The following SULF1 variants were observed in gnomAD, a reference collection of about 807,000 sequenced individuals.
The protein encoded by SULF1 is extracellular sulfatase Sulf-1.
SULF1 carries 46 observed loss-of-function variants against 110.5 expected under a neutral mutation model. The ratio of observed to expected loss-of-function variants is 0.42; its 90% CI spans 0.33 to 0.53. The LOEUF (loss-of-function observed/expected upper bound fraction) is 0.53. Ranked by LOEUF, SULF1 falls within the 20% of genes least tolerant of loss-of-function variation. SULF1 has a pLI of 0.12. For missense variants in SULF1, 941 were observed against 1,094.2 expected, an observed-to-expected ratio of 0.86 and a Z score of 1.98; for synonymous variants, 371 against 387.1, an observed-to-expected ratio of 0.96 and a Z score of 0.49.
chr8:69,622,228 T>C (rs1809670324), intron 14 of SULF1, among the ~76,000 whole-genome samples: 3 of 152,222 alleles, frequency 2.0e-5, no homozygotes, highest in Non-Finnish European at 4.4e-5. Context: ...AGACTTTTTT[T>C]CTTCCCTAAC....
At chr8:69,652,584 T>G (rs1248414084) in intron 22 of SULF1, among the ~76,000 whole-genome samples, 1 of 152,246 alleles carries the variant, frequency 6.6e-6, no homozygotes, top group Non-Finnish European at 1.5e-5. Context: ...ATTGGGTTGT[T>G]AAATCAAGTT....
chr8:69,536,310 A>G (rs1813427964), intron 3 of SULF1, among the ~76,000 whole-genome samples: 1 of 152,154 alleles, frequency 6.6e-6, no homozygotes, highest in Non-Finnish European at 1.5e-5. Flanking sequence ...TATTCAAACA[A>G]TGTGTAAAGG....
intron 3 of SULF1, among the ~76,000 whole-genome samples, chr8:69,559,451 G>A (rs1815326278): frequency 6.6e-6 from 1 of 152,152 alleles, no homozygotes; most frequent in Non-Finnish European, 1.5e-5. Flanking sequence ...ATTGTCATCA[G>A]AAAAAGTTTT....
rs531664785 is a variant in SULF1, at chr8:69,609,694, AT to A, written c.1377+4766del. On this transcript the variant is annotated intron_variant, in intron 13 of 22. Transcript: ENST00000402687. ...CTGCCACTGCAAAATTGCAAGACAG[AT>A]TTTCCCTTTGAAACTATGAATGGCA... Among the ~76,000 whole-genome samples the A allele has an allele frequency of 2.0e-3, 301 of 152,260 alleles. 1 individual carries two copies. The highest frequency in any genetic ancestry group is 7.0e-3 in the African/African-American group (289 of 41,556).
chr8:69,646,985 C>A lies in SULF1; in HGVS notation c.2585+6144C>A, dbSNP rs183630087. 4.1e-3 allele frequency among the ~76,000 whole-genome samples: 519 copies of A among 126,330 alleles called. 5 individuals carry two copies. The highest frequency in any genetic ancestry group is 0.02 in the South Asian group (73 of 3,594). 82.9% of individuals were successfully genotyped at this position (126,330 alleles called of 152,430 possible). ...TTTGAGGTGGAGTCTTGCTCTGTCA[C>A]CCAGGCTGGAGTGCAGTGACACAAT... On this transcript the variant is annotated intron_variant, in intron 22 of 22. Coordinates refer to ENST00000402687, the MANE Select transcript of SULF1 (RefSeq NM_001128205.2).
intron 3 of SULF1, among the ~76,000 whole-genome samples, chr8:69,510,945 TACACACACACACACAC>T (rs56386460): frequency 5.0e-5 from 7 of 141,142 alleles, no homozygotes; most frequent in African/African-American, 7.9e-5. Context: ...ATATCATCAT[TACACACACACACACAC>T]ACACACACAC....
upstream of SULF1, among the ~76,000 whole-genome samples, chr8:69,491,968 G>A (rs1246870588): frequency 1.3e-5 from 2 of 149,568 alleles, no homozygotes; most frequent in Admixed American, 6.7e-5. Context: ...GAGGATGGGG[G>A]TATGAGTAAA....
Position 69,559,118 on chromosome 8 carries a change from A to G in SULF1, c.-133-4421A>G, listed in dbSNP as rs1815307751. Among the ~76,000 whole-genome samples the G allele has an allele frequency of 2.0e-5, 3 of 152,234 alleles. No homozygotes were observed. In the South Asian group the frequency reaches 6.2e-4, roughly 31 times the overall value. On this transcript the variant is annotated intron_variant, in intron 3 of 22. Coordinates refer to ENST00000402687, the MANE Select transcript of SULF1 (RefSeq NM_001128205.2). ...TAATAAAATCCAGAATCACATGAATAAGTAGTTGGAAAGTAGAAGCATTTT... is the reference window on the plus strand; with the variant it reads ...TAATAAAATCCAGAATCACATGAATGAGTAGTTGGAAAGTAGAAGCATTTT...
intron 12 of SULF1, among the ~76,000 whole-genome samples, chr8:69,604,435 G>T (rs1808061413): frequency 6.6e-6 from 1 of 152,100 alleles, no homozygotes; most frequent in South Asian, 2.1e-4. Context: ...TCCCCTTTTG[G>T]TTCATTAATA....
At chr8:69,530,637 C>G (rs528027277) in intron 3 of SULF1, among the ~76,000 whole-genome samples, 1 of 152,124 alleles carries the variant, frequency 6.6e-6, no homozygotes, top group Non-Finnish European at 1.5e-5. Context: ...TTTCCTCTAC[C>G]GTAGTAACCA....
At chr8:69,506,235 T>TACACACAC (rs10656748) in intron 3 of SULF1, among the ~76,000 whole-genome samples, 168 of 149,906 alleles carry the variant, frequency 1.1e-3, no homozygotes, top group African/African-American at 3.2e-3. Context: ...ACACTAAACA[T>TACACACAC]ACACACACAC....
Position 69,591,712 on chromosome 8 carries a change from T to C in SULF1, c.734+2571T>C, listed in dbSNP as rs529087190. 2.0e-5 allele frequency among the ~76,000 whole-genome samples: 3 copies of C among 152,328 alleles called. 1 individual carries two copies. In the South Asian group the frequency reaches 6.2e-4, roughly 32 times the overall value. On this transcript the variant is annotated intron_variant, in intron 8 of 22. Transcript: ENST00000402687. The stretch of plus-strand genomic sequence containing the variant: ...ATAAGCGTGAGGAAGACACAGTTGC[T>C]AACATTTAAGGACAGATAAACTAAG...
At chr8:69,554,772 G>A (rs13268034) in intron 3 of SULF1, among the ~76,000 whole-genome samples, 29,677 of 151,730 alleles carry the variant, frequency 0.2, 2,984 homozygotes, top group Middle Eastern at 0.24. Context: ...GAGGTCAGTA[G>A]ATCGAGACCA....
At chr8:69,566,961 C>T (rs1016378297) in intron 5 of SULF1, among the ~76,000 whole-genome samples, 1 of 152,236 alleles carries the variant, frequency 6.6e-6, no homozygotes, top group African/African-American at 2.4e-5. Context: ...AGTCATGTAG[C>T]TTGTGGTGAG....
Position 69,659,022 on chromosome 8 carries a change from T to C in SULF1, c.*487T>C. The C allele has an allele frequency of 2.2e-6, 1 of 457,210 alleles. No individual in the cohort carries two copies. The allele number at this position is 457,210 out of a possible 1,614,324, so 28.3% of individuals were successfully genotyped here. On this transcript the variant is annotated 3_prime_UTR_variant, in exon 23 of 23. Transcript: ENST00000402687. The stretch of plus-strand genomic sequence containing the variant: ...CTAATCATCTGGAAACCGATTTCAG[T>C]GGCGATGGCATGACAGAGCTAGAGC...
At chr8:69,630,317 C>T (rs4738003) in intron 19 of SULF1, among the ~76,000 whole-genome samples, 93,606 of 152,048 alleles carry the variant, frequency 0.62, 29,496 homozygotes, top group African/African-American at 0.73. Flanking sequence ...AGTAATACCC[C>T]ACATTCTTAT....
intron 5 of SULF1, among the ~76,000 whole-genome samples, chr8:69,575,755 G>A (rs1260710501): frequency 2.6e-5 from 4 of 152,082 alleles, no homozygotes; most frequent in Non-Finnish European, 5.9e-5. Flanking sequence ...ACAGGGAGGA[G>A]AAGTGTATGT....
chr8:69,590,688 G>A (rs1037967652), intron 8 of SULF1, among the ~76,000 whole-genome samples: 1 of 152,150 alleles, frequency 6.6e-6, no homozygotes, highest in East Asian at 1.9e-4. Context: ...AAATATCATC[G>A]ACAAATCATG....
At chr8:69,505,506 A>T (rs1002067767) in intron 3 of SULF1, among the ~76,000 whole-genome samples, 1 of 152,198 alleles carries the variant, frequency 6.6e-6, no homozygotes, top group Non-Finnish European at 1.5e-5. Flanking sequence ...AGGATGGCTT[A>T]GCTGTGCCTG....
Sources: gnomAD v4.1 joint callset for allele counts (sites outside exome capture counted in the v4.1 genomes callset) on GRCh38, gnomAD v4.1.1 for gene constraint, MANE v1.5 for transcripts, NCBI Gene and HGNC (gene_info 2026-07-23, HGNC 2026-07-21) for gene names.